The following KCP variants were observed in gnomAD, a reference collection of about 807,000 sequenced individuals.
KCP encodes kielin cysteine rich BMP regulator.
KCP carries 194 observed loss-of-function variants against 212.7 expected under a neutral mutation model. That is an observed-to-expected ratio of 0.91 (90% CI 0.81 to 1.03). The LOEUF is 1.03. KCP is among the 50% of genes least tolerant of loss of function. KCP has a pLI of 0.00. For missense variants in KCP, 2,080 were observed against 2,162.5 expected (o/e 0.96, Z 0.76); for synonymous variants, 833 against 865.3 (o/e 0.96, Z 0.65).
Position 128,907,176 on chromosome 7 carries a change from GC to G in KCP, c.410del (p.Gly137AlafsTer82), listed in dbSNP as rs1563055547. 3 of 1,551,316 alleles carry G rather than the reference GC, an allele frequency of 1.9e-6. No individual in the cohort carries two copies. The Admixed American group carries it at 5.9e-5, about 30-fold the overall frequency. ...GPQAHLPHCRGCSQNGQTYGN... is the reference protein window; with the variant it reads ...GPQAHLPHCRXCSQNGQTYGN... ...CGTAGGTCTGGCCATTTTGGCTGCAGCCTAAGGAGACAGCAGTGTCACTCAA... is the reference window on the plus strand; with the variant it reads ...CGTAGGTCTGGCCATTTTGGCTGCAGCTAAGGAGACAGCAGTGTCACTCAA... On this transcript the variant is annotated frameshift_variant and splice_region_variant, in exon 4 of 40. Coordinates refer to ENST00000610776, the MANE Select transcript of KCP (RefSeq NM_001366122.1). LOFTEE classifies it high-confidence loss of function.
chr7:128,888,539 C>T, intron 22 of KCP, among the ~76,000 whole-genome samples: 1 of 150,478 alleles, frequency 6.6e-6, no homozygotes, highest in East Asian at 1.9e-4. Flanking sequence ...CACACATACA[C>T]ACATACAGCA....
In KCP at chr7:128,887,217, G is replaced by A. The variant is rs1397406899; in HGVS notation, c.2596C>T (p.Gln866Ter). Reference sequence around the variant, plus strand: ...AGGTCCTAAAGGGGCTGCCTCACCTGGCAGGTGCAGAGGGAGCAGGTAGGG... The same window carrying A: ...AGGTCCTAAAGGGGCTGCCTCACCTAGCAGGTGCAGAGGGAGCAGGTAGGG... ...LDPTCSLCTC[Q>*]EGSMRCQKKP... Residue 866 changes from glutamine to a stop codon, truncating the protein, a stop_gained and splice_region_variant, in exon 23 of 40, where the codon CAG becomes TAG. Coordinates refer to ENST00000610776, the MANE Select transcript of KCP (RefSeq NM_001366122.1). LOFTEE classifies it high-confidence loss of function. 5 of 1,551,290 alleles carry A rather than the reference G, an allele frequency of 3.2e-6. No individual in the cohort carries two copies. The African/African-American group carries it at 5.5e-5, about 17-fold the overall frequency.
intron 8 of KCP, among the ~76,000 whole-genome samples, chr7:128,897,836 T>C (rs1396281909): frequency 6.6e-6 from 1 of 152,204 alleles, no homozygotes; most frequent in Non-Finnish European, 1.5e-5. Context: ...AGAGATTTTA[T>C]ATAAGAAAGG....
Position 128,878,690 on chromosome 7 carries a change from C to T in KCP, c.4179G>A (p.Val1393=), listed in dbSNP as rs757652367. 3.4e-5 allele frequency: 52 copies of T among 1,550,604 alleles called. No homozygotes were observed. Among genetic ancestry groups the T allele is most frequent in the Non-Finnish European group, 3.7e-5 (43 of 1,146,964 alleles). Residue 1393 remains valine, a synonymous_variant, in exon 38 of 40, where the codon GTG becomes GTA. Transcript: ENST00000610776. ...GGCCCTGGTAGGAGCCAGGTACGCT[C>T]ACCTCCACCTGGGACTGCCCATCCC... ...VLWDGQSQVE[V]SVPGSYQGRT... is the part of the protein sequence containing the mutation.
chr7:128,891,196 G>GGGCAGCACTCTCCC lies in KCP; in HGVS notation c.1947_1960dup (p.Pro654ArgfsTer105). On this transcript the variant is annotated frameshift_variant, in exon 19 of 40. Transcript: ENST00000610776. LOFTEE classifies it high-confidence loss of function. ...GGTGCGGCCCCTACCTGGGCACTGC[G>GGGCAGCACTCTCCC]GGCAGCACTCTCCCGGCAGCAGGAC... 1.3e-6 allele frequency: 2 copies of GGGCAGCACTCTCCC among 1,543,806 alleles called. No individual in the cohort carries two copies. Among genetic ancestry groups the GGGCAGCACTCTCCC allele is most frequent in the Non-Finnish European group, 1.7e-6 (2 of 1,146,544 alleles).
chr7:128,904,519 C>T, intron 5 of KCP: 1 of 688,414 alleles, frequency 1.5e-6, no homozygotes, highest in Non-Finnish European at 2.4e-6. Flanking sequence ...GCCTAGCAGG[C>T]TTCAGCCCTG....
At chr7:128,908,394 C>A (rs1485278600) in intron 2 of KCP, 32 bp downstream of exon 2, 3 of 1,538,790 alleles carry the variant, frequency 1.9e-6, no homozygotes, top group Non-Finnish European at 1.8e-6. Flanking sequence ...GCCCTCCTTA[C>A]CCAATGCAAA....
Position 128,877,037 on chromosome 7 carries a change from C to A in KCP, c.*6G>T. On this transcript the variant is annotated 3_prime_UTR_variant, in exon 40 of 40. Transcript: ENST00000610776. The stretch of plus-strand genomic sequence containing the variant: ...CTGATGAACCCTTATCAGGCACTGT[C>A]CTGGCTCAGGGTGTCTCCTGGGGCT... The A allele has an allele frequency of 3.9e-6, 6 of 1,535,852 alleles. No homozygotes were observed. The highest frequency in any genetic ancestry group is 5.2e-6 in the Non-Finnish European group (6 of 1,143,036).
At chr7:128,878,787 A>G in intron 37 of KCP, 65 bp from the exon 38 acceptor site, 2 of 1,470,996 alleles carry the variant, frequency 1.4e-6, no homozygotes, top group Non-Finnish European at 1.8e-6. Context: ...CCCAGGGTCC[A>G]TCATGGCCCC....
In KCP at chr7:128,890,356, G is replaced by A. The variant is rs1006638420; in HGVS notation, c.2322C>T (p.Cys774=). ...CATGACCCTCACCATCACAGTCAGG[G>A]CAGCAGTCGCCCCTGGCAGGGAAGG... ...LCPFPARGDC[C]PDCDGCEYLG... Residue 774 remains cysteine (C), a synonymous_variant, in exon 21 of 40, where the codon TGC becomes TGT. Coordinates refer to ENST00000610776, the MANE Select transcript of KCP (RefSeq NM_001366122.1). The A allele has an allele frequency of 1.3e-6, 2 of 1,551,388 alleles. No homozygotes were observed. Among genetic ancestry groups the A allele is most frequent in the African/African-American group, 2.7e-5 (2 of 73,058 alleles).
intron 1 of KCP, 120 bp downstream of exon 1, chr7:128,910,481 G>T: frequency 1.1e-6 from 1 of 939,446 alleles, no homozygotes; most frequent in Non-Finnish European, 1.5e-6. Flanking sequence ...AGGGAGGCGC[G>T]CGAACCTCAG....
intron 7 of KCP, 21 bp from the exon 8 acceptor site, chr7:128,902,880 A>G: frequency 2.6e-6 from 4 of 1,542,884 alleles, no homozygotes; most frequent in Non-Finnish European, 3.5e-6. Context: ...GGGGTTGAGA[A>G]GAGGGAGGCC....
intron 8 of KCP, among the ~76,000 whole-genome samples, chr7:128,894,550 T>G (rs1185411174): frequency 6.8e-6 from 1 of 147,262 alleles, no homozygotes; most frequent in Non-Finnish European, 1.5e-5. Flanking sequence ...TCAATATAAC[T>G]AGTATCTTTT....
chr7:128,902,493 G>A (rs955079091), intron 8 of KCP, among the ~76,000 whole-genome samples: 2 of 152,078 alleles, frequency 1.3e-5, no homozygotes, highest in Admixed American at 1.3e-4. Context: ...CCCTACTCTG[G>A]AGCTTTTGCC....
In KCP at chr7:128,885,203, G is replaced by A; in HGVS notation, c.2934C>T (p.Ser978=). 6.4e-7 allele frequency: 1 copy of A among 1,550,906 alleles called. No individual in the cohort carries two copies. The highest frequency in any genetic ancestry group is 2.4e-5 in the East Asian group (1 of 40,920). The part of the protein sequence containing the change: ...SRWVPPDSAC[S]SCVCHEGVVT... ...CGACGCCCTCGTGACACACACAGGA[G>A]GAGCAGGCACTGTCGGGGGGCACCC... The change falls in exon 27 of 40, where the codon TCC becomes TCT. Residue 978 remains serine, a synonymous_variant. Transcript: ENST00000610776.
Position 128,885,150 on chromosome 7 carries a change from C to G in KCP, c.2987G>C (p.Ser996Thr). The G allele has an allele frequency of 6.4e-7, 1 of 1,550,836 alleles. No homozygotes were observed. Among genetic ancestry groups the G allele is most frequent in the South Asian group, 1.2e-5 (1 of 84,064 alleles). ...VVTCARIQCI[S>T]SCAQPRQGPH... ...CCCTTGGCGGGGCTGGGCGCAAGAGCTGATGCACTGGATGCGTGCACAGGT... is the reference window on the plus strand; with the variant it reads ...CCCTTGGCGGGGCTGGGCGCAAGAGGTGATGCACTGGATGCGTGCACAGGT... Residue 996 changes from serine (S) to threonine (T), a missense_variant, in exon 27 of 40, where the codon AGC becomes ACC. Transcript: ENST00000610776.
In KCP at chr7:128,879,577, A is replaced by G. The variant is rs1793190049; in HGVS notation, c.4091T>C (p.Leu1364Pro). The G allele has an allele frequency of 6.4e-7, 1 of 1,550,496 alleles. No individual in the cohort carries two copies. Among genetic ancestry groups the G allele is most frequent in the East Asian group, 2.4e-5 (1 of 40,910 alleles). Residue 1364 changes from leucine to proline, a missense_variant, in exon 37 of 40, where the codon CTG becomes CCG. By Grantham distance (98) the Leu-to-Pro change is moderately conservative. Coordinates refer to ENST00000610776, the MANE Select transcript of KCP (RefSeq NM_001366122.1). ...AGTGTGTCCTCGCAGCTCCACATAC[A>G]GCAGCGGCTCCTGCAGGAAGGGCAA... ...VALPFLQEPLLYVELRGHTVI... is the reference protein window; with the variant it reads ...VALPFLQEPLPYVELRGHTVI...
intron 29 of KCP, among the ~76,000 whole-genome samples, chr7:128,883,434 G>A (rs761043116): frequency 3.3e-5 from 5 of 151,988 alleles, no homozygotes; most frequent in Admixed American, 2.0e-4. Flanking sequence ...TACCAACCTC[G>A]GCCTGTTTTT....
At position 128,880,684 on chromosome 7, in the gene KCP, G is replaced by T; in HGVS notation, c.3551C>A (p.Ala1184Asp). Residue 1184 changes from alanine (A) to aspartate (D), a missense_variant, in exon 33 of 40, where the codon GCC becomes GAC. Transcript: ENST00000610776. ...CGCCCAGCCATGGGGGCAGGAGAGGGCCTGGCACTCCTCGAGGTGGCACTC... is the reference window on the plus strand; with the variant it reads ...CGCCCAGCCATGGGGGCAGGAGAGGTCCTGGCACTCCTCGAGGTGGCACTC... ...HVECHLEECQ[A>D]LSCPHGWAKV... The T allele has an allele frequency of 1.9e-6, 1 of 524,962 alleles. No homozygotes were observed. The highest frequency in any genetic ancestry group is 3.1e-6 in the Non-Finnish European group (1 of 320,434). 32.5% of individuals were successfully genotyped at this position (524,962 alleles called of 1,614,324 possible).
Sources: gnomAD v4.1 joint callset for allele counts (sites outside exome capture counted in the v4.1 genomes callset) on GRCh38, gnomAD v4.1.1 for gene constraint, MANE v1.5 for transcripts, NCBI Gene and HGNC (gene_info 2026-07-23, HGNC 2026-07-21) for gene names.